The following TNS3 variants were observed in gnomAD, a reference collection of about 807,000 sequenced individuals.
TNS3 encodes tensin-3.
Under a neutral mutation model 140.9 loss-of-function variants are expected in TNS3, and 45 were observed. The observed-to-expected ratio is 0.32, with a 90% CI of 0.25 to 0.41. The LOEUF (loss-of-function observed/expected upper bound fraction) is 0.41, where lower values mean the gene tolerates loss of function less well. Among genes scored for constraint, TNS3 ranks in the 10% least tolerant of loss-of-function variants. The probability of loss-of-function intolerance (pLI) is 1.00; values close to 1 mark genes in which losing one functional copy is unlikely to be tolerated. For missense variants in TNS3, 1,716 were observed against 1,906.7 expected (o/e 0.90, Z 1.86); for synonymous variants, 815 against 788.4 (o/e 1.03, Z -0.56).
chr7:47,548,962 T>C (rs1375536262), intron 1 of TNS3, among the ~76,000 whole-genome samples: 1 of 152,154 alleles, frequency 6.6e-6, no homozygotes, highest in Admixed American at 6.5e-5. Flanking sequence ...GCTCCTTCTC[T>C]TTCTCTTACA....
chr7:47,364,664 G>C (rs1295553629), intron 17 of TNS3, among the ~76,000 whole-genome samples: 1 of 152,210 alleles, frequency 6.6e-6, no homozygotes, highest in Non-Finnish European at 1.5e-5. Context: ...TAAATGAAGT[G>C]CAAGTCTCAA....
At chr7:47,280,073 A>G in intron 30 of TNS3, 91 bp downstream of exon 30, 1 of 1,473,150 alleles carries the variant, frequency 6.8e-7, no homozygotes, top group Non-Finnish European at 9.4e-7. Flanking sequence ...ATTTTCTTAT[A>G]AGGCACCCCC....
At chr7:47,380,359 A>T (rs1791678553) in intron 16 of TNS3, among the ~76,000 whole-genome samples, 1 of 152,202 alleles carries the variant, frequency 6.6e-6, no homozygotes, top group Admixed American at 6.5e-5. Context: ...AGCCCAGAGG[A>T]AAAGAGGAGG....
At position 47,332,767 on chromosome 7, in the gene TNS3, T is replaced by C. The variant is rs143637642; in HGVS notation, c.2650+11988A>G. Among the ~76,000 whole-genome samples, 570 of 152,260 alleles carry C rather than the reference T, an allele frequency of 3.7e-3. 4 individuals carry two copies. Among genetic ancestry groups the C allele is most frequent in the African/African-American group, 0.013 (549 of 41,542 alleles). ...CACATATTCTTATTTTACTTAGATT[T>C]AAAAGATGCTTTCAGAGGTTATGCA... On this transcript the variant is annotated intron_variant, in intron 20 of 30. Coordinates refer to ENST00000311160, the MANE Select transcript of TNS3 (RefSeq NM_022748.12).
At chr7:47,452,684 G>A (rs551071073) in intron 4 of TNS3, among the ~76,000 whole-genome samples, 29 of 152,280 alleles carry the variant, frequency 1.9e-4, no homozygotes, top group Non-Finnish European at 2.9e-4. Flanking sequence ...CAAAGAAGTC[G>A]GAAGCTCCCC....
At chr7:47,408,122 G>A (rs1035340648) in intron 13 of TNS3, among the ~76,000 whole-genome samples, 10 of 152,262 alleles carry the variant, frequency 6.6e-5, no homozygotes, top group Non-Finnish European at 1.5e-4. Context: ...ATGGCAGGCT[G>A]GAGAACGCCA....
chr7:47,305,791 T>C (rs1003683947), intron 20 of TNS3, among the ~76,000 whole-genome samples: 1 of 152,270 alleles, frequency 6.6e-6, no homozygotes, highest in African/African-American at 2.4e-5. Flanking sequence ...TTTTTCTTTT[T>C]TTAAACCAGG....
chr7:47,310,665 A>C (rs1273234044), intron 20 of TNS3, among the ~76,000 whole-genome samples: 1 of 152,244 alleles, frequency 6.6e-6, no homozygotes, highest in Non-Finnish European at 1.5e-5. Context: ...AGCCACAGAT[A>C]CTAACATAAC....
At chr7:47,303,664 G>T in intron 21 of TNS3, 80 bp from the exon 22 acceptor site, 1 of 1,456,970 alleles carries the variant, frequency 6.9e-7, no homozygotes, top group Non-Finnish European at 9.1e-7. Flanking sequence ...CACCCACACG[G>T]GAAGACAGGG....
At chr7:47,536,669 T>A (rs1205658991) in intron 1 of TNS3, among the ~76,000 whole-genome samples, 1 of 152,182 alleles carries the variant, frequency 6.6e-6, no homozygotes, top group Admixed American at 6.5e-5. Context: ...CTTCCACGCT[T>A]ACCAGAAGAC....
chr7:47,459,921 G>T (rs956095230), intron 4 of TNS3, among the ~76,000 whole-genome samples: 4 of 152,124 alleles, frequency 2.6e-5, no homozygotes, highest in African/African-American at 9.7e-5. Flanking sequence ...TGACAGTTTG[G>T]AAACAGGATC....
intron 4 of TNS3, among the ~76,000 whole-genome samples, chr7:47,455,766 G>A (rs371733767): frequency 2.6e-5 from 4 of 152,174 alleles, no homozygotes; most frequent in Middle Eastern, 3.2e-3. Flanking sequence ...TAGAAACCAC[G>A]GCCACTTTGC....
At chr7:47,380,508 C>A (rs768691736) in intron 16 of TNS3, among the ~76,000 whole-genome samples, 2 of 152,194 alleles carry the variant, frequency 1.3e-5, no homozygotes, top group Non-Finnish European at 2.9e-5. Flanking sequence ...GCTTGCAAAC[C>A]AATAAAGGCA....
intron 3 of TNS3, among the ~76,000 whole-genome samples, chr7:47,487,170 G>A (rs1000439013): frequency 6.6e-5 from 10 of 152,110 alleles, no homozygotes; most frequent in Non-Finnish European, 1.3e-4. Flanking sequence ...GTGGCGGCAC[G>A]TGCCTGTAAT....
At chr7:47,449,233 A>AGCC (rs1202557713) in intron 4 of TNS3, among the ~76,000 whole-genome samples, 1 of 152,170 alleles carries the variant, frequency 6.6e-6, no homozygotes, top group Admixed American at 6.5e-5. Context: ...CAGCAAACCA[A>AGCC]GCCTATGTCG....
intron 1 of TNS3, among the ~76,000 whole-genome samples, chr7:47,548,544 C>T (rs550143942): frequency 6.6e-6 from 1 of 152,318 alleles, no homozygotes; most frequent in South Asian, 2.1e-4. Flanking sequence ...TTTGAACACA[C>T]CATCTCCTGA....
intron 4 of TNS3, among the ~76,000 whole-genome samples, chr7:47,449,187 G>A (rs1014198757): frequency 6.6e-6 from 1 of 152,246 alleles, no homozygotes; most frequent in African/African-American, 2.4e-5. Context: ...TGCGTATCCT[G>A]CAGGTGGAAG....
intron 16 of TNS3, among the ~76,000 whole-genome samples, chr7:47,391,899 G>A (rs938739913): frequency 6.6e-6 from 1 of 152,098 alleles, no homozygotes; most frequent in Non-Finnish European, 1.5e-5. Context: ...AAAGTCAAGG[G>A]TATGAGCCCT....
intron 27 of TNS3, among the ~76,000 whole-genome samples, chr7:47,286,387 C>T (rs1013122012): frequency 1.3e-5 from 2 of 152,150 alleles, no homozygotes; most frequent in African/African-American, 4.8e-5. Flanking sequence ...ACGGAGCACA[C>T]ATCAACCAAC....
Sources: gnomAD v4.1 joint callset for allele counts (sites outside exome capture counted in the v4.1 genomes callset) on GRCh38, gnomAD v4.1.1 for gene constraint, MANE v1.5 for transcripts, NCBI Gene and HGNC (gene_info 2026-07-23, HGNC 2026-07-21) for gene names.